FAM83G: variants seen among roughly 807,000 people sequenced by gnomAD.
The protein encoded by FAM83G is protein FAM83G.
In FAM83G, 38 loss-of-function variants were observed where a neutral mutation model predicts 61.5. The observed-to-expected ratio is 0.62, with a 90% CI of 0.48 to 0.81. The LOEUF (loss-of-function observed/expected upper bound fraction) is 0.81, where lower values mean the gene tolerates loss of function less well. Among genes scored for constraint, FAM83G ranks in the 30% least tolerant of loss-of-function variants. The pLI, the probability that FAM83G is intolerant of heterozygous loss-of-function variation, is 0.00. For synonymous variants in FAM83G, 470 were observed against 476.1 expected, an observed-to-expected ratio of 0.99 and a Z score of 0.17; for missense variants, 989 against 1,133.6, an observed-to-expected ratio of 0.87 and a Z score of 1.83.
At chr17:18,987,495 C>A (rs1330957962) in intron 3 of FAM83G, among the ~76,000 whole-genome samples, 2 of 152,228 alleles carry the variant, frequency 1.3e-5, no homozygotes, top group African/African-American at 2.4e-5. Context: ...AGAAGGAGGG[C>A]TCCAGACACC....
At chr17:19,005,653 C>A (rs1022712542), upstream of FAM83G, among the ~76,000 whole-genome samples, 3 of 151,978 alleles carry the variant, frequency 2.0e-5, no homozygotes, top group Non-Finnish European at 4.4e-5. Context: ...TCAAACCCCC[C>A]CCCTCCAAGG....
At position 19,003,381 on chromosome 17, in the gene FAM83G, C is replaced by T; in HGVS notation, c.522+139G>A. The T allele has an allele frequency of 2.1e-6, 2 of 957,194 alleles. No homozygotes were observed. The highest frequency in any genetic ancestry group is 2.8e-6 in the Non-Finnish European group (2 of 707,212). The allele number at this position is 957,194 out of a possible 1,614,324, so 59.3% of individuals were successfully genotyped here. ...CGAAGGTGGGGAGGAAACCTCCACC[C>T]AAGAGGCAGCCAGGGAAAACAGCAG... On this transcript the variant is annotated intron_variant, in intron 2 of 5. Transcript: ENST00000388995. This position sits in a 1 kb window ranked among gnomAD's most constrained non-coding sequence, Gnocchi z 4.5.
At chr17:18,992,324 G>A (rs757225701) in intron 2 of FAM83G, among the ~76,000 whole-genome samples, 20 of 152,112 alleles carry the variant, frequency 1.3e-4, no homozygotes, top group Non-Finnish European at 2.4e-4. Context: ...TGGGAGAGGG[G>A]AGGGCACTGG....
chr17:18,987,407 G>A (rs1357881410), intron 3 of FAM83G, among the ~76,000 whole-genome samples: 1 of 152,230 alleles, frequency 6.6e-6, no homozygotes, highest in African/African-American at 2.4e-5. Context: ...TGCAAGAGAA[G>A]TATTCGCCGT....
intron 5 of FAM83G, among the ~76,000 whole-genome samples, chr17:18,973,431 T>C (rs906140994): frequency 6.6e-6 from 1 of 152,200 alleles, no homozygotes; most frequent in Non-Finnish European, 1.5e-5. Context: ...CAACCAGCAT[T>C]GGAGCTGTAG....
chr17:18,989,610 A>G (rs985146278), intron 2 of FAM83G, among the ~76,000 whole-genome samples: 2 of 152,030 alleles, frequency 1.3e-5, no homozygotes, highest in African/African-American at 4.8e-5. Context: ...AGGAGAATGG[A>G]GCACACCTGA....
At chr17:18,984,332 CAAAAA>C (rs1176935676) in intron 3 of FAM83G, among the ~76,000 whole-genome samples, 50 of 68,012 alleles carry the variant, frequency 7.4e-4, no homozygotes, top group African/African-American at 2.7e-3. Context: ...GACTCCCTCT[CAAAAA>C]AAAAAAAAAA....
At chr17:18,976,914 C>T (rs748152199) in intron 5 of FAM83G, 18 of 1,613,742 alleles carry the variant, frequency 1.1e-5, no homozygotes, top group Admixed American at 3.3e-5. Flanking sequence ...GGGCTCCATC[C>T]TGGCCAGCTA....
At chr17:18,999,534 G>T (rs1414540565) in intron 2 of FAM83G, among the ~76,000 whole-genome samples, 2 of 152,120 alleles carry the variant, frequency 1.3e-5, no homozygotes, top group Non-Finnish European at 2.9e-5. Flanking sequence ...TCTGCACAAT[G>T]GAGACAACAC....
chr17:18,971,381 G>A lies in FAM83G; in HGVS notation c.2450C>T (p.Pro817Leu). ...CTGCTAGGGGTCTTTGCGGTCCCGG[G>A]GGGCTTGAGCCCTCCGTTTAGAATC... is the stretch of plus-strand genomic sequence containing the variant. ...SSDSKRRAQA[P>L]RDRKDP is the part of the protein sequence containing the mutation. The change falls in exon 6 of 6, where the codon CCC becomes CTC. Residue 817 changes from proline (P) to leucine (L), a missense_variant. Around this residue, in one of 3 missense-constraint regions of FAM83G, gnomAD observed 574 missense variants for 645.1 expected, o/e 0.89. Coordinates refer to ENST00000388995, the MANE Select transcript of FAM83G (RefSeq NM_001039999.3). The surrounding 1 kb of genome is among the most constrained non-coding windows in gnomAD (Gnocchi z 5.5). 1 of 1,610,444 alleles carries A rather than the reference G, an allele frequency of 6.2e-7. No homozygotes were observed. The highest frequency in any genetic ancestry group is 8.5e-7 in the Non-Finnish European group (1 of 1,179,050).
rs1483574772 is a variant in FAM83G at position 18,996,672 on chromosome 17, T to C, written c.522+6848A>G. 1.3e-5 allele frequency among the ~76,000 whole-genome samples: 2 copies of C among 152,174 alleles called. No homozygotes were observed. The highest frequency in any genetic ancestry group is 2.9e-5 in the Non-Finnish European group (2 of 68,022). ...CTGGCACGCATACAGGTGTCCCTTTTCTGGAGACAGGGAGGGGTGGTGATG... is the reference window on the plus strand; with the variant it reads ...CTGGCACGCATACAGGTGTCCCTTTCCTGGAGACAGGGAGGGGTGGTGATG... On this transcript the variant is annotated intron_variant, in intron 2 of 5. Coordinates refer to ENST00000388995, the MANE Select transcript of FAM83G (RefSeq NM_001039999.3). The surrounding 1 kb of genome is among the most constrained non-coding windows in gnomAD (Gnocchi z 4.4).
At position 18,996,188 on chromosome 17, in the gene FAM83G, A is replaced by G. The variant is rs554885242; in HGVS notation, c.522+7332T>C. On this transcript the variant is annotated intron_variant, in intron 2 of 5. Transcript: ENST00000388995. This position sits in a 1 kb window ranked among gnomAD's most constrained non-coding sequence, Gnocchi z 4.4. Reference sequence around the variant, plus strand: ...TTATACCCAGTAAAAATACATTTCAAAACAAAAGGCAAACTAAAGACTTTT... The same window carrying G: ...TTATACCCAGTAAAAATACATTTCAGAACAAAAGGCAAACTAAAGACTTTT... Among the ~76,000 whole-genome samples the G allele has an allele frequency of 1.3e-5, 2 of 152,232 alleles. No homozygotes were observed. The highest frequency in any genetic ancestry group is 6.5e-5 in the Admixed American group (1 of 15,298).
intron 2 of FAM83G, among the ~76,000 whole-genome samples, chr17:18,993,846 C>T (rs997534323): frequency 1.3e-5 from 2 of 152,212 alleles, no homozygotes; most frequent in African/African-American, 2.4e-5. Context: ...ACCTTCATTT[C>T]CTCATGGGGA....
chr17:18,974,075 T>C (rs1041547246), intron 5 of FAM83G, among the ~76,000 whole-genome samples: 2 of 152,132 alleles, frequency 1.3e-5, no homozygotes, highest in African/African-American at 4.8e-5. Context: ...GTATTTTTAA[T>C]AGAGACGGGG....
Position 18,969,378 on chromosome 17 carries a change from A to C in FAM83G, c.*1981T>G. 1 of 1,613,788 alleles carries C rather than the reference A, an allele frequency of 6.2e-7. No individual in the cohort carries two copies. Among genetic ancestry groups the C allele is most frequent in the Non-Finnish European group, 8.5e-7 (1 of 1,180,024 alleles). ...GCTGTAATCTACACGGACGCCCTGC[A>C]GACGCTCATCATGGTGGTGGGGGCT... is the stretch of plus-strand genomic sequence containing the variant. On this transcript the variant is annotated 3_prime_UTR_variant, in exon 6 of 6. Transcript: ENST00000388995.
chr17:18,978,977 G>A, intron 4 of FAM83G, 127 bp from the exon 5 acceptor site: 1 of 1,079,674 alleles, frequency 9.3e-7, no homozygotes, highest in East Asian at 2.6e-5. Context: ...AGTGAATGGG[G>A]GCAGAGAGCA....
chr17:18,982,170 G>A (rs755193145), intron 3 of FAM83G, among the ~76,000 whole-genome samples: 5 of 152,232 alleles, frequency 3.3e-5, no homozygotes, highest in Non-Finnish European at 5.9e-5. Context: ...GCTGTGACTC[G>A]AAGCAAGTCC....
chr17:18,980,926 C>T (rs762483008), intron 3 of FAM83G, among the ~76,000 whole-genome samples: 1 of 152,084 alleles, frequency 6.6e-6, no homozygotes, highest in South Asian at 2.1e-4. Flanking sequence ...AGTCTCACTC[C>T]CTCCCGAGGG....
intron 2 of FAM83G, among the ~76,000 whole-genome samples, chr17:18,997,553 G>A (rs73981276): frequency 0.066 from 10,065 of 152,328 alleles, 629 homozygotes; most frequent in South Asian, 0.31. Context: ...AGCTTCTCCA[G>A]GGTCCAAGAG....
Sources: allele counts gnomAD v4.1 joint callset (sites outside exome capture counted in the v4.1 genomes callset), GRCh38; gene constraint gnomAD v4.1.1; regional missense constraint gnomAD v4.1.1; non-coding constraint Gnocchi (gnomAD v3.1); transcripts MANE v1.5; gene names NCBI Gene and HGNC (gene_info 2026-07-23, HGNC 2026-07-21).